Variants in SRGAP2 observed in about 807,000 individuals in gnomAD.
SRGAP2 encodes the protein SLIT-ROBO Rho GTPase activating protein 2.
A neutral mutation model predicts 57.2 loss-of-function variants in SRGAP2; 15 were observed. The ratio of observed to expected loss-of-function variants is 0.26; its 90% confidence interval spans 0.18 to 0.40. SRGAP2 has a LOEUF of 0.40. Among genes scored for constraint, SRGAP2 ranks in the 10% least tolerant of loss-of-function variants. The probability of loss-of-function intolerance (pLI) is 1.00; values close to 1 mark genes in which losing one functional copy is unlikely to be tolerated. For synonymous variants in SRGAP2, 249 were observed against 248.0 expected (o/e 1.00, Z -0.04); for missense variants, 520 against 669.6 (o/e 0.78, Z 2.47).
chr1:206,410,031 G>A lies in SRGAP2; in HGVS notation c.1356+3457G>A, dbSNP rs1419303270. 4.6e-5 allele frequency among the ~76,000 whole-genome samples: 7 copies of A among 152,348 alleles called. No individual in the cohort carries two copies. The South Asian group carries it at 8.3e-4, about 18-fold the overall frequency. ...CAGGAGAATCACTTGAACCCGGGAA[G>A]CGGAGGTTGCAGTGAGCCGAGATCG... On this transcript the variant is annotated intron_variant, in intron 10 of 22. Coordinates refer to ENST00000573034, the MANE Select transcript of SRGAP2 (RefSeq NM_015326.5).
chr1:206,441,695 C>T (rs1292106560), intron 17 of SRGAP2, among the ~76,000 whole-genome samples: 3 of 152,126 alleles, frequency 2.0e-5, no homozygotes, highest in Non-Finnish European at 4.4e-5. Flanking sequence ...ACCTAGATTT[C>T]TAGCTTCTTT....
chr1:206,415,502 G>A (rs760422478), intron 10 of SRGAP2, among the ~76,000 whole-genome samples: 23 of 152,272 alleles, frequency 1.5e-4, no homozygotes, highest in Non-Finnish European at 2.9e-4. Context: ...TCCTCCCACC[G>A]AGGGGCCAGG....
intron 4 of SRGAP2, among the ~76,000 whole-genome samples, chr1:206,366,357 G>A (rs1250794831): frequency 2.0e-5 from 3 of 152,222 alleles, no homozygotes; most frequent in Admixed American, 6.5e-5. Context: ...TAGTGTCAAG[G>A]GGGGTGGAGA....
intron 3 of SRGAP2, among the ~76,000 whole-genome samples, chr1:206,326,806 G>A (rs1309959704): frequency 6.6e-6 from 1 of 152,188 alleles, no homozygotes; most frequent in Non-Finnish European, 1.5e-5. Flanking sequence ...AGCTGCATTA[G>A]GCACAGAAGA....
intron 3 of SRGAP2, among the ~76,000 whole-genome samples, chr1:206,304,457 C>T (rs1672072194): frequency 1.4e-5 from 2 of 144,500 alleles, no homozygotes; most frequent in Non-Finnish European, 3.0e-5. Flanking sequence ...GAAGAATTGT[C>T]TTGGGCCACC....
At chr1:206,438,409 C>T (rs1364337372) in intron 16 of SRGAP2, among the ~76,000 whole-genome samples, 5 of 151,342 alleles carry the variant, frequency 3.3e-5, no homozygotes, top group South Asian at 2.1e-4. Context: ...GAAGCTTATA[C>T]ATTAGTGCTT....
chr1:206,310,035 A>G (rs1448542920), intron 3 of SRGAP2, among the ~76,000 whole-genome samples: 3 of 150,862 alleles, frequency 2.0e-5, no homozygotes, highest in East Asian at 3.9e-4. Flanking sequence ...TGTTTTAAGT[A>G]GAAGATCTGT....
At chr1:206,222,332 CT>C (rs562298155) in intron 2 of SRGAP2, among the ~76,000 whole-genome samples, 3 of 149,396 alleles carry the variant, frequency 2.0e-5, no homozygotes, top group Non-Finnish European at 4.5e-5. Flanking sequence ...TAGGATTGGC[CT>C]TTTTTTTTCA....
At chr1:206,443,770 C>A (rs1234700024) in intron 17 of SRGAP2, among the ~76,000 whole-genome samples, 3 of 152,136 alleles carry the variant, frequency 2.0e-5, no homozygotes, top group African/African-American at 7.2e-5. Context: ...ATTATTAACA[C>A]CATGACATTT....
intron 18 of SRGAP2, among the ~76,000 whole-genome samples, chr1:206,447,203 C>T (rs1199834197): frequency 6.6e-6 from 1 of 152,074 alleles, no homozygotes; most frequent in Non-Finnish European, 1.5e-5. Context: ...CTCCCTTCTT[C>T]CCCTAAATAG....
intron 2 of SRGAP2, among the ~76,000 whole-genome samples, chr1:206,232,140 G>A (rs1182930458): frequency 1.5e-4 from 23 of 151,890 alleles, no homozygotes; most frequent in East Asian, 5.8e-4. Flanking sequence ...TGCGTTCAGC[G>A]TCTGTGCTCC....
chr1:206,422,968 T>C (rs1274729807), intron 13 of SRGAP2, among the ~76,000 whole-genome samples: 5 of 152,212 alleles, frequency 3.3e-5, no homozygotes, highest in East Asian at 1.9e-4. Flanking sequence ...ATAAAATAGA[T>C]AGTAAGTTAC....
chr1:206,241,358 A>G (rs1441375659), intron 2 of SRGAP2, among the ~76,000 whole-genome samples: 1 of 151,482 alleles, frequency 6.6e-6, no homozygotes, highest in Non-Finnish European at 1.5e-5. Context: ...TTCCTTTTCT[A>G]CCTCTGCTGG....
chr1:206,424,350 G>T (rs564078140), intron 13 of SRGAP2, among the ~76,000 whole-genome samples: 1 of 152,214 alleles, frequency 6.6e-6, no homozygotes, highest in African/African-American at 2.4e-5. Context: ...AGGAAGAGAC[G>T]AATAGTACAT....
intron 3 of SRGAP2, among the ~76,000 whole-genome samples, chr1:206,314,443 T>C (rs2102805535): frequency 6.6e-6 from 1 of 152,334 alleles, no homozygotes; most frequent in South Asian, 2.1e-4. Flanking sequence ...TGAAATCTAG[T>C]GTTTTTTAAC....
chr1:206,224,050 C>T (rs1405742904), intron 2 of SRGAP2, among the ~76,000 whole-genome samples: 2 of 98,082 alleles, frequency 2.0e-5, no homozygotes, highest in Non-Finnish European at 2.0e-5. Context: ...TTGGGTGTCC[C>T]GCTAAGATTT....
chr1:206,340,369 A>G (rs1297619511), intron 3 of SRGAP2, among the ~76,000 whole-genome samples: 2 of 139,816 alleles, frequency 1.4e-5, no homozygotes, highest in Non-Finnish European at 3.0e-5. Flanking sequence ...CTCCCTTACT[A>G]TATTGCAGCA....
At chr1:206,371,771 T>G (rs1402440843) in intron 4 of SRGAP2, among the ~76,000 whole-genome samples, 1 of 84,636 alleles carries the variant, frequency 1.2e-5, no homozygotes, top group Admixed American at 1.1e-4. Flanking sequence ...AAGTGAATAA[T>G]CACTGTTAAA....
At chr1:206,437,813 C>T (rs1661905070) in intron 15 of SRGAP2, 151 bp from the exon 16 acceptor site, 1 of 648,218 alleles carries the variant, frequency 1.5e-6, no homozygotes. Flanking sequence ...TTATCTGTTC[C>T]CTGGTCTGTC....
Sources: allele counts gnomAD v4.1 joint callset (sites outside exome capture counted in the v4.1 genomes callset), GRCh38; gene constraint gnomAD v4.1.1; transcripts MANE v1.5; gene names NCBI Gene and HGNC (gene_info 2026-07-23, HGNC 2026-07-21).